MRTFA: variants seen among roughly 807,000 people sequenced by gnomAD.
MRTFA encodes myocardin-related transcription factor A.
Under a neutral mutation model 83.5 loss-of-function variants are expected in MRTFA, and 20 were observed. The ratio of observed to expected loss-of-function variants is 0.24; its 90% CI spans 0.17 to 0.35. The LOEUF is 0.35. Ranked by LOEUF, MRTFA falls within the 10% of genes least tolerant of loss-of-function variation. The probability of loss-of-function intolerance (pLI) is 1.00; values close to 1 mark genes in which losing one functional copy is unlikely to be tolerated. For missense variants in MRTFA, 1,200 were observed against 1,224.7 expected (o/e 0.98, Z 0.30); for synonymous variants, 659 against 541.2 (o/e 1.22, Z -3.02).
Position 40,418,411 on chromosome 22 carries a change from G to A in MRTFA, c.2327C>T (p.Ala776Val). ...CCCACTGGACAGGCCAGGGCTGTCTGCATTCTTATTGGTCACGGTGAGGAC... is the reference window on the plus strand; with the variant it reads ...CCCACTGGACAGGCCAGGGCTGTCTACATTCTTATTGGTCACGGTGAGGAC... The change falls in exon 12 of 15, where the codon GCA (alanine) becomes GTA (valine). Residue 776 changes from alanine to valine, a missense_variant. By Grantham distance (64) the Ala-to-Val change is moderately conservative. Coordinates refer to ENST00000355630, the MANE Select transcript of MRTFA (RefSeq NM_020831.6). 1.2e-6 allele frequency: 2 copies of A among 1,614,088 alleles called. No individual in the cohort carries two copies. The highest frequency in any genetic ancestry group is 1.3e-5 in the African/African-American group (1 of 75,054).
At chr22:40,536,349 A>G (rs953361503) in intron 3 of MRTFA, among the ~76,000 whole-genome samples, 1 of 150,756 alleles carries the variant, frequency 6.6e-6, no homozygotes, top group African/African-American at 2.4e-5. Context: ...GACCGCCGGG[A>G]GGATGGAGTT....
At chr22:40,577,049 C>G (rs2055877300) in intron 2 of MRTFA, among the ~76,000 whole-genome samples, 1 of 151,880 alleles carries the variant, frequency 6.6e-6, no homozygotes, top group African/African-American at 2.4e-5. Flanking sequence ...ATGGGGAGAC[C>G]TCATCTCCAC....
chr22:40,615,394 T>C (rs1397128652), intron 1 of MRTFA, among the ~76,000 whole-genome samples: 1 of 152,260 alleles, frequency 6.6e-6, no homozygotes, highest in Non-Finnish European at 1.5e-5. Flanking sequence ...TAACAAGTTT[T>C]GAAATCAAGT....
At chr22:40,516,323 G>C (rs1292615335) in intron 3 of MRTFA, among the ~76,000 whole-genome samples, 2 of 149,074 alleles carry the variant, frequency 1.3e-5, no homozygotes, top group Admixed American at 1.4e-4. Flanking sequence ...GGGAGGCTGA[G>C]ACAGGAGAAT....
chr22:40,582,817 A>T (rs957234618), intron 2 of MRTFA, among the ~76,000 whole-genome samples: 27 of 152,276 alleles, frequency 1.8e-4, no homozygotes, highest in African/African-American at 6.5e-4. Flanking sequence ...GTTACAATTA[A>T]AGTTGCCCAG....
chr22:40,508,176 T>C (rs984097662), intron 3 of MRTFA, among the ~76,000 whole-genome samples: 1 of 151,910 alleles, frequency 6.6e-6, no homozygotes, highest in African/African-American at 2.4e-5. Flanking sequence ...TCACAGATGC[T>C]GATAGGATGT....
chr22:40,473,760 T>C (rs1181312333), intron 3 of MRTFA, among the ~76,000 whole-genome samples: 1 of 152,250 alleles, frequency 6.6e-6, no homozygotes, highest in African/African-American at 2.4e-5. Context: ...CAGTGAATTA[T>C]ACCTATTTTA....
chr22:40,548,256 G>A (rs549715937), intron 3 of MRTFA, among the ~76,000 whole-genome samples: 10 of 149,476 alleles, frequency 6.7e-5, no homozygotes, highest in Admixed American at 2.0e-4. Context: ...CTACTCAGGA[G>A]GCTGAGGCAC....
intron 4 of MRTFA, among the ~76,000 whole-genome samples, chr22:40,452,290 C>A (rs1190701707): frequency 1.3e-5 from 2 of 152,054 alleles, no homozygotes; most frequent in African/African-American, 4.8e-5. Context: ...GGCCTGAAGA[C>A]TTTTAAATCA....
intron 5 of MRTFA, among the ~76,000 whole-genome samples, chr22:40,431,955 G>A (rs550499062): frequency 6.6e-6 from 1 of 152,266 alleles, no homozygotes; most frequent in Admixed American, 6.5e-5. Context: ...TTTAAGAAAT[G>A]TAACATTGGG....
intron 8 of MRTFA, 61 bp from the exon 9 acceptor site, chr22:40,423,746 C>T: frequency 1.4e-6 from 2 of 1,418,668 alleles, no homozygotes; most frequent in Non-Finnish European, 1.9e-6. Context: ...GCCCAGCCTG[C>T]CCTGACCCTA....
At position 40,418,899 on chromosome 22, in the gene MRTFA, C is replaced by T. The variant is rs755784301; in HGVS notation, c.1839G>A (p.Gly613=). 1.9e-6 allele frequency: 3 copies of T among 1,612,624 alleles called. No individual in the cohort carries two copies. In the South Asian group the frequency reaches 3.3e-5, roughly 18 times the overall value. Residue 613 remains glycine (G), a synonymous_variant, in exon 12 of 15, where the codon GGG becomes GGA. Transcript: ENST00000355630. ...CGCGCCCCTCTAGCTCCGCCCGCCCCCCAGGGCTCAGGCAACAGGACCCGG... is the reference window on the plus strand; with the variant it reads ...CGCGCCCCTCTAGCTCCGCCCGCCCTCCAGGGCTCAGGCAACAGGACCCGG...
intron 3 of MRTFA, among the ~76,000 whole-genome samples, chr22:40,502,030 G>C (rs2054491386): frequency 7.2e-6 from 1 of 139,242 alleles, no homozygotes; most frequent in African/African-American, 2.7e-5. Context: ...CAGGCGGGGG[G>C]CTGACCCCCC....
chr22:40,429,560 C>T (rs12160809), intron 7 of MRTFA, 46 bp downstream of exon 7: 1 of 1,612,096 alleles, frequency 6.2e-7, no homozygotes, highest in Non-Finnish European at 8.5e-7. Flanking sequence ...CCCTCCCCTC[C>T]TGCATCTCAG....
rs555368273 is a variant in MRTFA, at chr22:40,431,623, C to T, written c.364-143G>A. ...ACCTTAACTTGGTGACTGCAGGGTT[C>T]GGAGGCAAGAGTAGGCCTGGGGAGA... On this transcript the variant is annotated intron_variant, in intron 5 of 14. Coordinates refer to ENST00000355630, the MANE Select transcript of MRTFA (RefSeq NM_020831.6). 34 of 765,718 alleles carry T rather than the reference C, an allele frequency of 4.4e-5. 1 individual carries two copies. Among genetic ancestry groups the T allele is most frequent in the South Asian group, 4.1e-4 (26 of 63,492 alleles). The allele number at this position is 765,718 out of a possible 1,614,324, so 47.4% of individuals were successfully genotyped here. A position where few individuals can be genotyped will look rare whatever the true frequency, so the allele number is the denominator to read the frequency against.
intron 3 of MRTFA, among the ~76,000 whole-genome samples, chr22:40,483,404 A>G (rs73167073): frequency 0.12 from 17,794 of 149,254 alleles, 1,227 homozygotes; most frequent in East Asian, 0.24. Flanking sequence ...ATAGGGTCTC[A>G]GCCAGGCGCA....
chr22:40,421,120 G>C lies in MRTFA; in HGVS notation c.928-20C>G. 6.6e-7 allele frequency: 1 copy of C among 1,511,082 alleles called. No homozygotes were observed. Among genetic ancestry groups the C allele is most frequent in the Non-Finnish European group, 8.9e-7 (1 of 1,129,624 alleles). 93.6% of individuals were successfully genotyped at this position (1,511,082 alleles called of 1,614,324 possible). On this transcript the variant is annotated intron_variant, in intron 9 of 14. Coordinates refer to ENST00000355630, the MANE Select transcript of MRTFA (RefSeq NM_020831.6). The stretch of plus-strand genomic sequence containing the variant: ...GCTTTGCTGAGGGCACAGGAGACAG[G>C]GTGCCATTCAGGGGCAGCCTCAGGC...
chr22:40,629,172 G>T (rs897961745), intron 1 of MRTFA, among the ~76,000 whole-genome samples: 10 of 151,972 alleles, frequency 6.6e-5, no homozygotes, highest in Non-Finnish European at 1.5e-4. Flanking sequence ...GGCTGGGCGC[G>T]GTGGCTCACA....
intron 9 of MRTFA, among the ~76,000 whole-genome samples, chr22:40,421,600 ATCTTGT>A (rs1386109488): frequency 6.6e-6 from 1 of 152,274 alleles, no homozygotes; most frequent in Admixed American, 6.5e-5. Flanking sequence ...TCACAATGTG[ATCTTGT>A]TCTTGTTCTA....
Sources: allele counts gnomAD v4.1 joint callset (sites outside exome capture counted in the v4.1 genomes callset), GRCh38; gene constraint gnomAD v4.1.1; transcripts MANE v1.5; gene names NCBI Gene and HGNC (gene_info 2026-07-23, HGNC 2026-07-21).